Variants in COA1 observed in about 807,000 individuals in gnomAD.
COA1 encodes the protein cytochrome c oxidase assembly factor 1 homolog.
Under a neutral mutation model 16.0 loss-of-function variants are expected in COA1, and 13 were observed. That is an observed-to-expected ratio of 0.81 (90% CI 0.53 to 1.29). The LOEUF is 1.29. Ranked by LOEUF, COA1 falls within the 50% of genes most tolerant of loss-of-function variation. The probability of loss-of-function intolerance (pLI) is 0.00; values close to 1 mark genes in which losing one functional copy is unlikely to be tolerated. For missense variants in COA1, 179 were observed against 177.0 expected, an observed-to-expected ratio of 1.01 and a Z score of -0.06; for synonymous variants, 65 against 65.7, an observed-to-expected ratio of 0.99 and a Z score of 0.05.
At chr7:43,718,778 T>C (rs1156407313) in intron 1 of COA1, among the ~76,000 whole-genome samples, 2 of 152,212 alleles carry the variant, frequency 1.3e-5, no homozygotes, top group East Asian at 1.9e-4. Flanking sequence ...GATTGGTTCA[T>C]AGTTTTTCCC....
At chr7:43,728,696 G>A (rs1486742870) in intron 1 of COA1, among the ~76,000 whole-genome samples, 2 of 152,204 alleles carry the variant, frequency 1.3e-5, no homozygotes, top group Non-Finnish European at 2.9e-5. Flanking sequence ...AATCTGATAT[G>A]CGTTTTAAAC....
intron 1 of COA1, among the ~76,000 whole-genome samples, chr7:43,656,818 TAAAAA>T (rs2091781563): frequency 7.5e-6 from 1 of 132,488 alleles, no homozygotes; most frequent in South Asian, 2.3e-4. Context: ...CCGCAAATAT[TAAAAA>T]AGAAAAGAAA....
chr7:43,656,308 C>G (rs1368468420), intron 1 of COA1, among the ~76,000 whole-genome samples: 1 of 152,160 alleles, frequency 6.6e-6, no homozygotes, highest in Non-Finnish European at 1.5e-5. Flanking sequence ...CTTTTAAGAG[C>G]AGCAATTTAA....
At chr7:43,635,819 T>C (rs184506307), downstream of COA1, among the ~76,000 whole-genome samples, 10 of 152,340 alleles carry the variant, frequency 6.6e-5, no homozygotes, top group East Asian at 1.9e-3. Context: ...AAAATTACTT[T>C]GTCATTAAGA....
intron 1 of COA1, among the ~76,000 whole-genome samples, chr7:43,729,159 T>C (rs1293275759): frequency 6.6e-6 from 1 of 152,198 alleles, no homozygotes; most frequent in Non-Finnish European, 1.5e-5. Context: ...CTGTTGGGGA[T>C]GGTCAGCAAA....
At chr7:43,705,513 C>T (rs1460962103) in intron 1 of COA1, among the ~76,000 whole-genome samples, 1 of 152,208 alleles carries the variant, frequency 6.6e-6, no homozygotes, top group Admixed American at 6.5e-5. Context: ...CAGGGAGGGA[C>T]CCTAACAGAG....
At chr7:43,619,975 GGA>G (rs534338639) in intron 6 of COA1, among the ~76,000 whole-genome samples, 429 of 152,334 alleles carry the variant, frequency 2.8e-3, no homozygotes, top group African/African-American at 9.8e-3. Context: ...AAAAGGAATA[GGA>G]GAGGATTTTC....
intron 1 of COA1, among the ~76,000 whole-genome samples, chr7:43,703,421 C>G (rs1253349595): frequency 6.6e-6 from 1 of 152,122 alleles, no homozygotes; most frequent in Non-Finnish European, 1.5e-5. Context: ...CTAACACTGT[C>G]AGCAGGGTAT....
chr7:43,619,112 C>T (rs1248442438), intron 6 of COA1, among the ~76,000 whole-genome samples: 1 of 152,164 alleles, frequency 6.6e-6, no homozygotes, highest in East Asian at 1.9e-4. Flanking sequence ...TCATTGCATG[C>T]AAAATAGTCC....
intron 6 of COA1, among the ~76,000 whole-genome samples, chr7:43,622,007 AT>A (rs2083945356): frequency 6.6e-6 from 1 of 152,176 alleles, no homozygotes; most frequent in South Asian, 2.1e-4. Context: ...TCCTCTGTCC[AT>A]AAAAAGGGGC....
chr7:43,716,595 T>G (rs1297662224), intron 1 of COA1, among the ~76,000 whole-genome samples: 1 of 152,108 alleles, frequency 6.6e-6, no homozygotes, highest in Admixed American at 6.5e-5. Context: ...TTCAGAAAAT[T>G]TACAGCCTGA....
chr7:43,729,301 G>C (rs757056631), intron 1 of COA1, 128 bp downstream of exon 1: 1 of 152,412 alleles, frequency 6.6e-6, no homozygotes, highest in African/African-American at 2.4e-5. Flanking sequence ...GAACCTCCGC[G>C]ATGTGACCCG....
intron 6 of COA1, among the ~76,000 whole-genome samples, chr7:43,614,165 C>G (rs77556304): frequency 0.01 from 1,581 of 152,292 alleles, 27 homozygotes; most frequent in African/African-American, 0.034. Context: ...GCCGCCAAAT[C>G]TTCTCCAGTG....
rs2090010587 is a variant in COA1 at position 43,648,379 on chromosome 7, A to G, written c.15+221T>C. 6.3e-6 allele frequency: 4 copies of G among 632,674 alleles called. No homozygotes were observed. In the South Asian group the frequency reaches 7.3e-5, roughly 12 times the overall value. The allele number at this position is 632,674 out of a possible 1,614,324, so 39.2% of individuals were successfully genotyped here. A position where few individuals can be genotyped will look rare whatever the true frequency, so the allele number is the denominator to read the frequency against. ...CAGACTGGGTTATGGAGAGGTTCCC[A>G]GAGTGTTACAGCTTCCAACGCCAGC... On this transcript the variant is annotated intron_variant, in intron 2 of 5. Coordinates refer to ENST00000223336, the MANE Select transcript of COA1 (RefSeq NM_018224.4).
At chr7:43,654,291 T>C (rs1292940683) in intron 1 of COA1, among the ~76,000 whole-genome samples, 2 of 152,200 alleles carry the variant, frequency 1.3e-5, no homozygotes, top group Non-Finnish European at 2.9e-5. Context: ...ATTCAGAGAC[T>C]ACAATCCTAA....
chr7:43,691,260 G>GA (rs1554541859), intron 1 of COA1, among the ~76,000 whole-genome samples: 8 of 33,362 alleles, frequency 2.4e-4, no homozygotes, highest in Admixed American at 1.4e-3. Flanking sequence ...AAAAAAGAAA[G>GA]AAAGAAAAGA....
intron 3 of COA1, 93 bp downstream of exon 3, chr7:43,647,437 CTCTAA>C (rs1306905028): frequency 1.1e-6 from 1 of 886,544 alleles, no homozygotes; most frequent in South Asian, 1.3e-5. Flanking sequence ...CTCCTCCTTT[CTCTAA>C]TCTAAACAAA....
At chr7:43,728,195 T>G (rs1383581404) in intron 1 of COA1, among the ~76,000 whole-genome samples, 1 of 152,072 alleles carries the variant, frequency 6.6e-6, no homozygotes, top group East Asian at 1.9e-4. Flanking sequence ...AGGACGGTCT[T>G]GATCTCCTGA....
rs78744268 is a variant in COA1, at chr7:43,630,555, G to A, written c.*133+8894C>T. On this transcript the variant is annotated intron_variant and NMD_transcript_variant, in intron 6 of 6. Transcript: ENST00000415076. ...TGCAATTATTCAGGTGAGGAGGACTGTCACCTCATCCCTGCCCCCGCTTTT... is the reference window on the plus strand; with the variant it reads ...TGCAATTATTCAGGTGAGGAGGACTATCACCTCATCCCTGCCCCCGCTTTT... 6.8e-4 allele frequency among the ~76,000 whole-genome samples: 103 copies of A among 152,246 alleles called. No individual in the cohort carries two copies. The East Asian group carries it at 0.015, about 22-fold the overall frequency.
Sources: gnomAD v4.1 joint callset for allele counts (sites outside exome capture counted in the v4.1 genomes callset) on GRCh38, gnomAD v4.1.1 for gene constraint, MANE v1.5 for transcripts, NCBI Gene and HGNC (gene_info 2026-07-23, HGNC 2026-07-21) for gene names.